ZSCAN4: variants seen among roughly 807,000 people sequenced by gnomAD.
ZSCAN4 encodes zinc finger and SCAN domain containing 4, also known as zinc finger and SCAN domain-containing protein 4.
A neutral mutation model predicts 18.3 loss-of-function variants in ZSCAN4; 18 were observed. The ratio of observed to expected loss-of-function variants is 0.98; its 90% confidence interval spans 0.68 to 1.46. The LOEUF (loss-of-function observed/expected upper bound fraction) is 1.46, where lower values mean the gene tolerates loss of function less well. ZSCAN4 is among the 40% of genes most tolerant of loss of function. The pLI, the probability that ZSCAN4 is intolerant of heterozygous loss-of-function variation, is 0.00. For missense variants in ZSCAN4, 498 were observed against 511.4 expected, an observed-to-expected ratio of 0.97 and a Z score of 0.25; for synonymous variants, 193 against 180.3, an observed-to-expected ratio of 1.07 and a Z score of -0.57.
the ZSCAN4 span, among the ~76,000 whole-genome samples, chr19:57,656,997 A>G: frequency 2.0e-5 from 3 of 150,692 alleles, no homozygotes; most frequent in African/African-American, 7.3e-5. Context: ...TGTAATTCCA[A>G]CGCTTTGGGG....
intron 1 of ZSCAN4, 131 bp downstream of exon 1, chr19:57,669,334 C>G (rs1226407956): frequency 2.6e-5 from 4 of 152,094 alleles, no homozygotes; most frequent in Non-Finnish European, 4.4e-5. Context: ...GCTGGGATTA[C>G]AGGCGCGAGC....
chr19:57,654,431 A>C, the ZSCAN4 span, among the ~76,000 whole-genome samples: 2 of 152,076 alleles, frequency 1.3e-5, no homozygotes, highest in Non-Finnish European at 2.9e-5. Flanking sequence ...ACCACACCCC[A>C]GACAAAATAA....
Position 57,676,250 on chromosome 19 carries a change from A to T in ZSCAN4, c.105A>T (p.Arg35Ser), listed in dbSNP as rs773307267. The change falls in exon 3 of 5, where the codon AGA becomes AGT. Residue 35 changes from arginine (R) to serine (S), a missense_variant. Transcript: ENST00000318203. ...AAAGCCAAGGACCTGCTGTTCAGAGAGAAGAAGGGATTTCTGAGTTCTCAA... is the reference window on the plus strand; with the variant it reads ...AAAGCCAAGGACCTGCTGTTCAGAGTGAAGAAGGGATTTCTGAGTTCTCAA... The T allele has an allele frequency of 1.9e-6, 3 of 1,614,170 alleles. No individual in the cohort carries two copies. The East Asian group carries it at 6.7e-5, about 36-fold the overall frequency.
At position 57,678,661 on chromosome 19, in the gene ZSCAN4, C is replaced by A. The variant is rs1984268093; in HGVS notation, c.1058C>A (p.Ser353Ter). Reference sequence around the variant, plus strand: ...TGTCAAAAAGGCTTCTTCCAGATATCAGACCTACGGGTGCATCAGATAATT... The same window carrying A: ...TGTCAAAAAGGCTTCTTCCAGATATAAGACCTACGGGTGCATCAGATAATT... Residue 353 changes from serine (S) to a stop codon, truncating the protein, a stop_gained, in exon 5 of 5, where the codon TCA becomes TAA. Transcript: ENST00000318203. LOFTEE classifies it low-confidence loss of function (END_TRUNC). The A allele has an allele frequency of 1.2e-6, 2 of 1,614,092 alleles. No individual in the cohort carries two copies. The highest frequency in any genetic ancestry group is 1.3e-5 in the African/African-American group (1 of 75,052).
At chr19:57,652,661 C>T in the ZSCAN4 span, among the ~76,000 whole-genome samples, 2 of 152,142 alleles carry the variant, frequency 1.3e-5, no homozygotes, top group East Asian at 1.9e-4. Flanking sequence ...ACTGCATACA[C>T]AGTCCTGTGC....
chr19:57,670,773 A>G (rs947885340), intron 2 of ZSCAN4, among the ~76,000 whole-genome samples: 1 of 152,114 alleles, frequency 6.6e-6, no homozygotes, highest in Non-Finnish European at 1.5e-5. Context: ...CTCTGACCCA[A>G]AAGGGCTTGA....
chr19:57,670,868 C>CTTT (rs10684021), intron 2 of ZSCAN4, among the ~76,000 whole-genome samples: 31,151 of 146,500 alleles, frequency 0.21, 3,940 homozygotes, highest in Non-Finnish European at 0.29. Context: ...TCTAGTAATT[C>CTTT]TTTTTTTTTT....
chr19:57,675,675 TTTA>T (rs1181406167), intron 2 of ZSCAN4, among the ~76,000 whole-genome samples: 4 of 152,346 alleles, frequency 2.6e-5, no homozygotes, highest in Non-Finnish European at 5.9e-5. Flanking sequence ...TTGAGATGAT[TTTA>T]TTATGTTCTT....
the ZSCAN4 span, among the ~76,000 whole-genome samples, chr19:57,657,005 G>A: frequency 1.3e-5 from 2 of 151,252 alleles, no homozygotes; most frequent in Non-Finnish European, 2.9e-5. Flanking sequence ...CAACGCTTTG[G>A]GGGGCTGAGG....
At chr19:57,669,259 C>A (rs904110626) in intron 1 of ZSCAN4, 56 bp downstream of exon 1, 4 of 151,962 alleles carry the variant, frequency 2.6e-5, no homozygotes, top group Non-Finnish European at 5.9e-5. Context: ...CCGGGTTTAA[C>A]CATGTTGGTC....
At chr19:57,651,882 G>A in the ZSCAN4 span, among the ~76,000 whole-genome samples, 1 of 152,052 alleles carries the variant, frequency 6.6e-6, no homozygotes, top group Admixed American at 6.6e-5. Context: ...CCGATTTCTG[G>A]GTGAGTTCCC....
At chr19:57,668,388 G>A (rs570248229), upstream of ZSCAN4, among the ~76,000 whole-genome samples, 3 of 152,194 alleles carry the variant, frequency 2.0e-5, no homozygotes, top group South Asian at 6.2e-4. Flanking sequence ...TGGAGAAATG[G>A]ACTAGTACAC....
exon 5 of ZSCAN4, chr19:57,678,943 G>C: frequency 4.6e-6 from 7 of 1,524,478 alleles, no homozygotes; most frequent in Admixed American, 2.2e-5. Context: ...ATGTATGCAA[G>C]TATGTATATT....
the ZSCAN4 span, among the ~76,000 whole-genome samples, chr19:57,663,147 C>G: frequency 6.6e-6 from 1 of 151,604 alleles, no homozygotes; most frequent in Non-Finnish European, 1.5e-5. Flanking sequence ...AAGTGATCCG[C>G]CCGCCTCGGC....
chr19:57,670,140 T>G (rs990007400), intron 1 of ZSCAN4, 105 bp from the exon 2 acceptor site: 1 of 152,292 alleles, frequency 6.6e-6, no homozygotes, highest in African/African-American at 2.4e-5. Flanking sequence ...TGATCTCAGG[T>G]GATCTGCCTG....
chr19:57,661,809 C>T, the ZSCAN4 span, among the ~76,000 whole-genome samples: 6 of 152,226 alleles, frequency 3.9e-5, no homozygotes, highest in South Asian at 2.1e-4. Flanking sequence ...ATGCTGGGCG[C>T]GGTGGCTCAC....
At chr19:57,658,207 A>T in the ZSCAN4 span, among the ~76,000 whole-genome samples, 54 of 152,350 alleles carry the variant, frequency 3.5e-4, no homozygotes, top group Non-Finnish European at 3.5e-4. Flanking sequence ...TCAAAAGCAC[A>T]AGTGAAGGAA....
At chr19:57,653,112 C>T in the ZSCAN4 span, among the ~76,000 whole-genome samples, 1 of 152,138 alleles carries the variant, frequency 6.6e-6, no homozygotes, top group East Asian at 1.9e-4. Flanking sequence ...TCCTGGCAGG[C>T]ATGAATAAAG....
At chr19:57,678,848 G>A in exon 5 of ZSCAN4, 1 of 1,612,722 alleles carries the variant, frequency 6.2e-7, no homozygotes, top group Non-Finnish European at 8.5e-7. Context: ...ACCGCCATAT[G>A]AGGACTCATG....
Sources: gnomAD v4.1 joint callset for allele counts (sites outside exome capture counted in the v4.1 genomes callset) on GRCh38, gnomAD v4.1.1 for gene constraint, MANE v1.5 for transcripts, NCBI Gene and HGNC (gene_info 2026-07-23, HGNC 2026-07-21) for gene names.